The following HEMK2 variants were observed in gnomAD, a reference collection of about 807,000 sequenced individuals.
The protein encoded by HEMK2 is methyltransferase HEMK2.
chr21:28,608,006 C>T, the HEMK2 span, among the ~76,000 whole-genome samples: 27 of 151,930 alleles, frequency 1.8e-4, no homozygotes, highest in African/African-American at 1.9e-4. Context: ...GTTTTCCATC[C>T]GAAACAAACA....
the HEMK2 span, among the ~76,000 whole-genome samples, chr21:28,747,005 G>T: frequency 2.0e-5 from 3 of 152,226 alleles, no homozygotes; most frequent in Non-Finnish European, 4.4e-5. Flanking sequence ...GAACGTAGAA[G>T]CAAGATACCT....
At chr21:28,738,610 C>T in the HEMK2 span, among the ~76,000 whole-genome samples, 34,669 of 151,984 alleles carry the variant, frequency 0.23, 4,561 homozygotes, top group African/African-American at 0.35. Context: ...ACCCGGGAAA[C>T]AGTCCCACGG....
chr21:28,631,621 G>GA, the HEMK2 span, among the ~76,000 whole-genome samples: 7 of 152,096 alleles, frequency 4.6e-5, no homozygotes, highest in African/African-American at 1.7e-4. Context: ...TCCTTTATAT[G>GA]AAACTAAAAC....
the HEMK2 span, among the ~76,000 whole-genome samples, chr21:28,868,246 T>C: frequency 6.6e-6 from 1 of 152,180 alleles, no homozygotes; most frequent in Non-Finnish European, 1.5e-5. Flanking sequence ...CTGTTCTTGG[T>C]CATTTGTTCC....
At chr21:28,814,874 TAC>T in the HEMK2 span, among the ~76,000 whole-genome samples, 5 of 152,160 alleles carry the variant, frequency 3.3e-5, no homozygotes, top group Admixed American at 3.3e-4. Flanking sequence ...GCAATCCCAT[TAC>T]TGGGTATATA....
chr21:28,831,297 T>C, the HEMK2 span, among the ~76,000 whole-genome samples: 1 of 150,930 alleles, frequency 6.6e-6, no homozygotes, highest in Non-Finnish European at 1.5e-5. Context: ...AATACAAAAA[T>C]TAGCTGGGCG....
At chr21:28,792,574 G>T in the HEMK2 span, among the ~76,000 whole-genome samples, 1 of 152,162 alleles carries the variant, frequency 6.6e-6, no homozygotes, top group Non-Finnish European at 1.5e-5. Context: ...CTCAGATGAT[G>T]TCTTTCTGGG....
the HEMK2 span, among the ~76,000 whole-genome samples, chr21:28,812,786 G>C: frequency 6.6e-6 from 1 of 152,224 alleles, no homozygotes; most frequent in South Asian, 2.1e-4. Flanking sequence ...TAGTTGGTAG[G>C]CTATTAATTA....
At chr21:28,640,609 C>A in the HEMK2 span, among the ~76,000 whole-genome samples, 3 of 152,318 alleles carry the variant, frequency 2.0e-5, no homozygotes, top group Non-Finnish European at 2.9e-5. Flanking sequence ...CTGCAGAAAT[C>A]TAGCTATCTG....
At chr21:28,806,050 C>T in the HEMK2 span, among the ~76,000 whole-genome samples, 1 of 152,066 alleles carries the variant, frequency 6.6e-6, no homozygotes, top group African/African-American at 2.4e-5. Flanking sequence ...GTCTGTTTTC[C>T]AAAAATCCAG....
At chr21:28,765,397 G>C in the HEMK2 span, among the ~76,000 whole-genome samples, 1 of 152,110 alleles carries the variant, frequency 6.6e-6, no homozygotes, top group Non-Finnish European at 1.5e-5. Context: ...AACTGCTAAA[G>C]GTGAGATGAT....
At chr21:28,583,768 A>T in the HEMK2 span, among the ~76,000 whole-genome samples, 1 of 152,200 alleles carries the variant, frequency 6.6e-6, no homozygotes. Flanking sequence ...TCCCATTGTT[A>T]TCATAAACAA....
the HEMK2 span, among the ~76,000 whole-genome samples, chr21:28,769,215 CA>C: frequency 1.3e-5 from 2 of 152,006 alleles, no homozygotes; most frequent in African/African-American, 4.8e-5. Flanking sequence ...CCCCAGGTTT[CA>C]AAACAAGACC....
At chr21:28,780,653 A>G in the HEMK2 span, among the ~76,000 whole-genome samples, 1 of 152,214 alleles carries the variant, frequency 6.6e-6, no homozygotes, top group African/African-American at 2.4e-5. Flanking sequence ...ATTCAAAGGG[A>G]CCACCATAAT....
the HEMK2 span, among the ~76,000 whole-genome samples, chr21:28,774,536 T>TA: frequency 1.3e-5 from 2 of 152,042 alleles, no homozygotes; most frequent in Non-Finnish European, 2.9e-5. Context: ...TACAATGTGC[T>TA]ATGATCATGC....
the HEMK2 span, among the ~76,000 whole-genome samples, chr21:28,723,631 C>T: frequency 5.9e-5 from 9 of 152,116 alleles, no homozygotes; most frequent in African/African-American, 1.7e-4. Flanking sequence ...AAGTTTAAGA[C>T]GTTGGCCACA....
chr21:28,859,087 GTTGT>G, the HEMK2 span, among the ~76,000 whole-genome samples: 3 of 152,036 alleles, frequency 2.0e-5, 1 homozygote, highest in South Asian at 4.2e-4. Context: ...CCCTTTGTTG[GTTGT>G]TTGTTATTTC....
At chr21:28,723,145 G>A in the HEMK2 span, among the ~76,000 whole-genome samples, 15 of 152,174 alleles carry the variant, frequency 9.9e-5, no homozygotes, top group East Asian at 1.9e-4. Context: ...AGTAGCTGGC[G>A]CCTACAGTTG....
chr21:28,603,660 C>T, the HEMK2 span, among the ~76,000 whole-genome samples: 1 of 146,944 alleles, frequency 6.8e-6, no homozygotes, highest in East Asian at 2.1e-4. Flanking sequence ...TTTGCATTTC[C>T]TTCTTAATTC....
Sources: allele counts gnomAD v4.1 joint callset (sites outside exome capture counted in the v4.1 genomes callset), GRCh38; gene constraint gnomAD v4.1.1; transcripts MANE v1.5; gene names NCBI Gene and HGNC (gene_info 2026-07-23, HGNC 2026-07-21).